SLC4A4: variants seen among roughly 807,000 people sequenced by gnomAD.
SLC4A4 encodes solute carrier family 4 member 4.
A neutral mutation model predicts 111.5 loss-of-function variants in SLC4A4; 27 were observed. The observed-to-expected ratio is 0.24, with a 90% confidence interval of 0.18 to 0.33. The LOEUF is 0.33. Ranked by LOEUF, SLC4A4 falls within the 10% of genes least tolerant of loss-of-function variation. The probability of loss-of-function intolerance (pLI) is 1.00; values close to 1 mark genes in which losing one functional copy is unlikely to be tolerated. For missense variants in SLC4A4, 909 were observed against 1,315.5 expected (o/e 0.69, Z 4.78); for synonymous variants, 443 against 463.4 (o/e 0.96, Z 0.57).
chr4:71,534,347 A>G lies in SLC4A4; in HGVS notation c.2401A>G (p.Ile801Val). ...VTILIFMDQQ[I>V]TAVIVNRKEH... ...TATACTGATTTTCATGGACCAACAAATTACAGCTGTGATTGTAAACAGGAA... is the reference window on the plus strand; with the variant it reads ...TATACTGATTTTCATGGACCAACAAGTTACAGCTGTGATTGTAAACAGGAA... Residue 801 changes from isoleucine (I) to valine (V), a missense_variant, in exon 18 of 26, where the codon ATT becomes GTT. By Grantham distance (29) the Ile-to-Val change is conservative. Around this residue, in one of 7 missense-constraint regions of SLC4A4, gnomAD observed 264 missense variants for 356.8 expected, o/e 0.74. Coordinates refer to ENST00000264485, the MANE Select transcript of SLC4A4 (RefSeq NM_001098484.3). 4 of 1,613,728 alleles carry G rather than the reference A, an allele frequency of 2.5e-6. No individual in the cohort carries two copies. Among genetic ancestry groups the G allele is most frequent in the South Asian group, 2.2e-5 (2 of 91,086 alleles).
upstream of SLC4A4, among the ~76,000 whole-genome samples, chr4:71,185,915 A>C (rs1346503057): frequency 3.9e-5 from 6 of 152,208 alleles, no homozygotes; most frequent in East Asian, 1.2e-3. Flanking sequence ...CAGTTTGGTC[A>C]GTGATGTCCA....
intron 2 of SLC4A4, among the ~76,000 whole-genome samples, chr4:71,142,717 T>G (rs1256274417): frequency 6.6e-6 from 1 of 150,784 alleles, no homozygotes; most frequent in East Asian, 1.9e-4. Flanking sequence ...GTAGAGTGAA[T>G]GCAACTCTCT....
chr4:71,519,358 T>C (rs1234444762), intron 16 of SLC4A4, among the ~76,000 whole-genome samples: 2 of 152,314 alleles, frequency 1.3e-5, no homozygotes, highest in East Asian at 1.9e-4. Flanking sequence ...TTCTCAGTCA[T>C]TGATAAATAT....
chr4:71,179,301 C>G (rs938957727), intron 2 of SLC4A4, among the ~76,000 whole-genome samples: 14 of 151,928 alleles, frequency 9.2e-5, no homozygotes, highest in South Asian at 2.1e-4. Context: ...GCACAAGACA[C>G]GGATGCCCTC....
intron 6 of SLC4A4, among the ~76,000 whole-genome samples, chr4:71,369,879 A>G (rs1731699398): frequency 6.6e-6 from 1 of 152,204 alleles, no homozygotes; most frequent in Non-Finnish European, 1.5e-5. Flanking sequence ...GAGACAGGAC[A>G]TAAATAGATA....
chr4:71,367,973 G>C (rs781238343), intron 6 of SLC4A4, among the ~76,000 whole-genome samples: 37 of 152,156 alleles, frequency 2.4e-4, no homozygotes, highest in Non-Finnish European at 4.6e-4. Context: ...TATGTGAATA[G>C]ATTATCTCAT....
intron 12 of SLC4A4, among the ~76,000 whole-genome samples, chr4:71,459,343 A>T (rs1051138571): frequency 1.3e-5 from 2 of 152,052 alleles, no homozygotes; most frequent in Admixed American, 1.3e-4. Flanking sequence ...ATCCAAAAAA[A>T]TTACGTAGAA....
chr4:71,153,821 C>T (rs1310384746), intron 2 of SLC4A4, among the ~76,000 whole-genome samples: 1 of 152,152 alleles, frequency 6.6e-6, no homozygotes, highest in Non-Finnish European at 1.5e-5. Context: ...CATTCTCTCT[C>T]AATGCCTCTT....
At chr4:71,466,248 C>A (rs1353231882) in intron 12 of SLC4A4, among the ~76,000 whole-genome samples, 196 bp from the exon 13 acceptor site, 2 of 152,052 alleles carry the variant, frequency 1.3e-5, no homozygotes, top group African/African-American at 4.8e-5. Flanking sequence ...GGAACCATGA[C>A]TAAATTGTAG....
At chr4:71,518,785 C>A (rs1205885499) in intron 16 of SLC4A4, among the ~76,000 whole-genome samples, 1 of 152,174 alleles carries the variant, frequency 6.6e-6, no homozygotes, top group Non-Finnish European at 1.5e-5. Context: ...CCAGAGCAGG[C>A]CAGGAGCATG....
chr4:71,278,575 G>T (rs564598960), intron 3 of SLC4A4, among the ~76,000 whole-genome samples: 2 of 152,148 alleles, frequency 1.3e-5, no homozygotes, highest in South Asian at 2.1e-4. Flanking sequence ...AATGTCTAAG[G>T]GTTCCCTTTG....
intron 2 of SLC4A4, among the ~76,000 whole-genome samples, chr4:71,177,735 C>T (rs974859040): frequency 6.6e-6 from 1 of 152,162 alleles, no homozygotes; most frequent in Non-Finnish European, 1.5e-5. Context: ...TAATGTGAGA[C>T]TTTAACACCC....
chr4:71,493,649 TTCTC>T (rs1019826738), intron 15 of SLC4A4, among the ~76,000 whole-genome samples: 35 of 150,782 alleles, frequency 2.3e-4, no homozygotes, highest in Non-Finnish European at 2.4e-4. Flanking sequence ...CTCTCTGTCT[TTCTC>T]TCTCTCTCTT....
intron 1 of SLC4A4, among the ~76,000 whole-genome samples, chr4:71,210,878 T>G (rs964157607): frequency 1.4e-4 from 22 of 152,216 alleles, no homozygotes; most frequent in Non-Finnish European, 2.9e-4. Flanking sequence ...TAAGAAGTTG[T>G]CCAGGAGAGC....
chr4:71,555,777 T>C (rs1188202943), intron 21 of SLC4A4, among the ~76,000 whole-genome samples: 2 of 151,934 alleles, frequency 1.3e-5, no homozygotes, highest in Non-Finnish European at 2.9e-5. Context: ...TGGTGCACAC[T>C]TTTAATCTCA....
chr4:71,560,055 C>T, intron 22 of SLC4A4, 38 bp from the exon 23 acceptor site: 2 of 1,511,982 alleles, frequency 1.3e-6, no homozygotes, highest in Non-Finnish European at 1.8e-6. Flanking sequence ...CTTCATCTGA[C>T]ATGGTTTCTT....
At chr4:71,133,384 T>G (rs1299627826) in intron 2 of SLC4A4, among the ~76,000 whole-genome samples, 2 of 152,214 alleles carry the variant, frequency 1.3e-5, no homozygotes, top group African/African-American at 4.8e-5. Context: ...AAGGACAGTG[T>G]GATTCTGTCC....
At chr4:71,315,448 C>T (rs1342751077) in intron 3 of SLC4A4, among the ~76,000 whole-genome samples, 1 of 152,078 alleles carries the variant, frequency 6.6e-6, no homozygotes, top group East Asian at 1.9e-4. Context: ...TGAAAGGATG[C>T]AAAAGAGTTG....
At chr4:71,482,031 G>A (rs1163249002) in intron 14 of SLC4A4, among the ~76,000 whole-genome samples, 2 of 151,600 alleles carry the variant, frequency 1.3e-5, no homozygotes, top group East Asian at 3.9e-4. Context: ...TCCTAATTAA[G>A]GAGATTGCAG....
Sources: gnomAD v4.1 joint callset for allele counts (sites outside exome capture counted in the v4.1 genomes callset) on GRCh38, gnomAD v4.1.1 for gene constraint, gnomAD v4.1.1 regional missense constraint, MANE v1.5 for transcripts, NCBI Gene and HGNC (gene_info 2026-07-23, HGNC 2026-07-21) for gene names.